PRPF6: variants seen among roughly 807,000 people sequenced by gnomAD.
The protein encoded by PRPF6 is pre-mRNA-processing factor 6.
In PRPF6, 42 loss-of-function variants were observed where a neutral mutation model predicts 118.3. The observed-to-expected ratio is 0.35, with a 90% CI of 0.28 to 0.46. The LOEUF is 0.46. PRPF6 is among the 20% of genes least tolerant of loss of function. PRPF6 has a pLI of 1.00. For synonymous variants in PRPF6, 481 were observed against 485.1 expected, an observed-to-expected ratio of 0.99 and a Z score of 0.11; for missense variants, 662 against 1,255.7, an observed-to-expected ratio of 0.53 and a Z score of 7.15.
chr20:64,016,327 C>T (rs539382608), intron 11 of PRPF6, among the ~76,000 whole-genome samples: 3 of 152,008 alleles, frequency 2.0e-5, no homozygotes, highest in Non-Finnish European at 4.4e-5. Flanking sequence ...CAGGGTTTCA[C>T]CAGGTTGGCC....
At chr20:63,983,491 T>A (rs1486847585) in intron 2 of PRPF6, among the ~76,000 whole-genome samples, 1 of 149,794 alleles carries the variant, frequency 6.7e-6, no homozygotes, top group Non-Finnish European at 1.5e-5. Flanking sequence ...GAGACGGAAT[T>A]TCGCTCTTGT....
chr20:64,026,107 C>T lies in PRPF6; in HGVS notation c.2028+49C>T, dbSNP rs753869382. ...GGCCGTCTGGGGTGCATGGTGTGCACATGCGGGCCCCACGCCTGGCTTGGG... is the reference window on the plus strand; with the variant it reads ...GGCCGTCTGGGGTGCATGGTGTGCATATGCGGGCCCCACGCCTGGCTTGGG... On this transcript the variant is annotated intron_variant, in intron 15 of 20. Coordinates refer to ENST00000266079, the MANE Select transcript of PRPF6 (RefSeq NM_012469.4). The surrounding 1 kb of genome is among the most constrained non-coding windows in gnomAD (Gnocchi z 4.4). 8.8e-6 allele frequency: 14 copies of T among 1,595,996 alleles called. No individual in the cohort carries two copies. Among genetic ancestry groups the T allele is most frequent in the African/African-American group, 2.7e-5 (2 of 74,860 alleles).
At chr20:64,000,681 G>A (rs527237411) in intron 8 of PRPF6, among the ~76,000 whole-genome samples, 1 of 151,230 alleles carries the variant, frequency 6.6e-6, no homozygotes, top group South Asian at 2.1e-4. Context: ...CAATTCTCCT[G>A]CCTCAGCCTC....
At position 64,032,010 on chromosome 20, in the gene PRPF6, T is replaced by C. The variant is rs147506257; in HGVS notation, c.2639T>C (p.Phe880Ser). 162 of 1,614,098 alleles carry C rather than the reference T, an allele frequency of 1.0e-4. No homozygotes were observed. The highest frequency in any genetic ancestry group is 2.7e-4 in the East Asian group (12 of 44,878). The change falls in exon 20 of 21, where the codon TTC becomes TCC. Residue 880 changes from phenylalanine (F) to serine (S), a missense_variant. This residue lies in a region of PRPF6 where 244 missense variants were observed against 383.7 expected (regional missense o/e 0.64). Transcript: ENST00000266079. Reference sequence around the variant, plus strand: ...TCGGACCTGGGGGATGCCTGGGCCTTCTTCTACAAGTTTGAGCTGCAGCAT... The same window carrying C: ...TCGGACCTGGGGGATGCCTGGGCCTCCTTCTACAAGTTTGAGCTGCAGCAT... ...IDSDLGDAWAFFYKFELQHGT... is the reference protein window; with the variant it reads ...IDSDLGDAWASFYKFELQHGT...
chr20:64,032,422 G>A (rs1007817388), intron 20 of PRPF6, among the ~76,000 whole-genome samples: 2 of 152,234 alleles, frequency 1.3e-5, no homozygotes, highest in African/African-American at 2.4e-5. Context: ...GACAGCCTGG[G>A]CAGCAGCCCC....
intron 11 of PRPF6, 81 bp from the exon 12 acceptor site, chr20:64,016,642 T>C: frequency 1.3e-6 from 2 of 1,570,836 alleles, no homozygotes; most frequent in South Asian, 1.2e-5. Context: ...GTTTTAACCG[T>C]TCAGGAACTC....
chr20:63,991,023 G>A (rs769377070), intron 3 of PRPF6, among the ~76,000 whole-genome samples: 22 of 151,826 alleles, frequency 1.4e-4, no homozygotes, highest in Non-Finnish European at 2.5e-4. Flanking sequence ...TGATCCACCT[G>A]CCTCCCCTAA....
Position 64,027,162 on chromosome 20 carries a change from C to T in PRPF6, c.2205+4C>T, listed in dbSNP as rs759534200. On this transcript the variant is annotated splice_donor_region_variant and intron_variant, in intron 16 of 20. Coordinates refer to ENST00000266079, the MANE Select transcript of PRPF6 (RefSeq NM_012469.4). This position sits in a 1 kb window ranked among gnomAD's most constrained non-coding sequence, Gnocchi z 6.5. ...GCGGGAAGCCTATAACCAGGGGGTA[C>T]GTCTCTGCCTGCACCCTGGGGCTGC... The T allele has an allele frequency of 4.8e-5, 77 of 1,612,764 alleles. No individual in the cohort carries two copies. The highest frequency in any genetic ancestry group is 6.2e-5 in the Non-Finnish European group (73 of 1,179,962).
At chr20:64,019,551 T>C (rs1036886043) in intron 12 of PRPF6, among the ~76,000 whole-genome samples, 42 of 152,312 alleles carry the variant, frequency 2.8e-4, no homozygotes, top group East Asian at 9.6e-4. Context: ...GGGCACAGCA[T>C]CACTTGATCC....
In PRPF6 at chr20:64,032,113, G is replaced by A. The variant is rs529283896; in HGVS notation, c.2673+69G>A. On this transcript the variant is annotated intron_variant, in intron 20 of 20. Coordinates refer to ENST00000266079, the MANE Select transcript of PRPF6 (RefSeq NM_012469.4). ...GTGGCGGGGAGTTCCGCCAGCCCTG[G>A]GGGCTCTAGGAGGTGGCCACGGCCA... 1.6e-5 allele frequency: 26 copies of A among 1,609,080 alleles called. No homozygotes were observed. In the East Asian group the frequency reaches 5.1e-4, roughly 32 times the overall value.
chr20:64,019,305 C>T (rs1489316968), intron 12 of PRPF6, among the ~76,000 whole-genome samples: 1 of 152,046 alleles, frequency 6.6e-6, no homozygotes, highest in African/African-American at 2.4e-5. Flanking sequence ...TGAGGTTTCG[C>T]CATGTTGGCC....
At chr20:64,022,647 C>T in intron 12 of PRPF6, 110 bp from the exon 13 acceptor site, 2 of 1,515,048 alleles carry the variant, frequency 1.3e-6, no homozygotes, top group Non-Finnish European at 1.8e-6. Flanking sequence ...TGTGGTACAC[C>T]TTCTAGCAGA....
In PRPF6 at chr20:63,999,758, A is replaced by T. The variant is rs1281780481; in HGVS notation, c.1022A>T (p.Lys341Met). 6.2e-7 allele frequency: 1 copy of T among 1,613,926 alleles called. No individual in the cohort carries two copies. The highest frequency in any genetic ancestry group is 1.3e-5 in the African/African-American group (1 of 74,936). Residue 341 changes from lysine (K) to methionine (M), a missense_variant and splice_region_variant, in exon 8 of 21, where the codon AAG (lysine) becomes ATG (methionine). This residue lies in a region of PRPF6 where 71 missense variants were observed against 166.4 expected (regional missense o/e 0.43). Coordinates refer to ENST00000266079, the MANE Select transcript of PRPF6 (RefSeq NM_012469.4). ...ATGAAGGGGACGGAGATGTGCCCCA[A>T]GGTGAGGTATTTCCTGGGAGGCGTT... ...LIMKGTEMCP[K>M]SEDVWLEAAR...
chr20:64,029,001 C>T lies in PRPF6; in HGVS notation c.2432-376C>T, dbSNP rs1018095859. On this transcript the variant is annotated intron_variant, in intron 18 of 20. Coordinates refer to ENST00000266079, the MANE Select transcript of PRPF6 (RefSeq NM_012469.4). This position sits in a 1 kb window ranked among gnomAD's most constrained non-coding sequence, Gnocchi z 4.8. The stretch of plus-strand genomic sequence containing the variant: ...TGGCCAACATGGTGAAACCCCGTCT[C>T]TACTAAAATACAAAAATGAGCTGGG... Among the ~76,000 whole-genome samples, 1 of 152,102 alleles carries T rather than the reference C, an allele frequency of 6.6e-6. No individual in the cohort carries two copies. Among genetic ancestry groups the T allele is most frequent in the Admixed American group, 6.5e-5 (1 of 15,282 alleles).
intron 14 of PRPF6, among the ~76,000 whole-genome samples, chr20:64,025,220 G>T (rs1185597971): frequency 6.6e-6 from 1 of 152,164 alleles, no homozygotes; most frequent in Non-Finnish European, 1.5e-5. Context: ...GGACTGGCCT[G>T]GGTTTAACCT....
intron 4 of PRPF6, 60 bp from the exon 5 acceptor site, chr20:63,994,856 T>C: frequency 6.2e-7 from 1 of 1,606,744 alleles, no homozygotes. Context: ...GGCATGGTCC[T>C]ACCTGGGCAC....
intron 3 of PRPF6, among the ~76,000 whole-genome samples, chr20:63,988,062 G>C (rs2059102537): frequency 6.6e-6 from 1 of 152,038 alleles, no homozygotes. Flanking sequence ...ACTCACGCCT[G>C]TAATCCCAGC....
At position 64,010,096 on chromosome 20, in the gene PRPF6, A is replaced by G. The variant is rs879788370; in HGVS notation, c.1187-104A>G. 1.1e-4 allele frequency: 109 copies of G among 979,450 alleles called. 1 individual carries two copies. Among genetic ancestry groups the G allele is most frequent in the South Asian group, 5.3e-4 (41 of 78,046 alleles). The allele number at this position is 979,450 out of a possible 1,614,324, so 60.7% of individuals were successfully genotyped here. On this transcript the variant is annotated intron_variant, in intron 9 of 20. Transcript: ENST00000266079. Reference sequence around the variant, plus strand: ...GCAGGTGTGTGGTCCCTGACTGTCAACCAGGGAAGTCCGTCTCATCCTGAC... The same window carrying G: ...GCAGGTGTGTGGTCCCTGACTGTCAGCCAGGGAAGTCCGTCTCATCCTGAC...
rs909555940 is a variant in PRPF6 at position 63,995,581 on chromosome 20, CCTCCTTCTCCTCCTCCTCCTTCTT to C, written c.771+111_771+134del. On this transcript the variant is annotated intron_variant, in intron 6 of 20. Coordinates refer to ENST00000266079, the MANE Select transcript of PRPF6 (RefSeq NM_012469.4). ...TTCTTCTTCTTCTCCTTTTTCTTCT[CCTCCTTCTCCTCCTCCTCCTTCTT>C]CTCCTTCTCCTTTTTTTTTTTTTGG... 200 of 1,328,372 alleles carry C rather than the reference CCTCCTTCTCCTCCTCCTCCTTCTT, an allele frequency of 1.5e-4. 1 individual carries two copies. In the South Asian group the frequency reaches 1.6e-3, roughly 11 times the overall value. 82.3% of individuals were successfully genotyped at this position (1,328,372 alleles called of 1,614,324 possible). A position where few individuals can be genotyped will look rare whatever the true frequency, so the allele number is the denominator to read the frequency against.
Sources: gnomAD v4.1 joint callset for allele counts (sites outside exome capture counted in the v4.1 genomes callset) on GRCh38, gnomAD v4.1.1 for gene constraint, gnomAD v4.1.1 regional missense constraint, Gnocchi (gnomAD v3.1) non-coding constraint, MANE v1.5 for transcripts, NCBI Gene and HGNC (gene_info 2026-07-23, HGNC 2026-07-21) for gene names.